Variants in FBXO4 observed in about 807,000 individuals in gnomAD.
The protein encoded by FBXO4 is F-box protein 4.
FBXO4 carries 36 observed loss-of-function variants against 43.7 expected under a neutral mutation model. The ratio of observed to expected loss-of-function variants is 0.82; its 90% CI spans 0.63 to 1.09. The LOEUF is 1.09. Ranked by LOEUF, FBXO4 falls within the 50% of genes least tolerant of loss-of-function variation. The pLI is 0.00. For missense variants in FBXO4, 435 were observed against 474.1 expected, an observed-to-expected ratio of 0.92 and a Z score of 0.77; for synonymous variants, 180 against 165.6, an observed-to-expected ratio of 1.09 and a Z score of -0.67.
the FBXO4 span, among the ~76,000 whole-genome samples, chr5:42,007,623 A>C: frequency 6.6e-6 from 1 of 152,126 alleles, no homozygotes; most frequent in African/African-American, 2.4e-5. Flanking sequence ...AGGTTGGACA[A>C]TTCCAATAGT....
chr5:42,038,584 C>T, the FBXO4 span, among the ~76,000 whole-genome samples: 2 of 152,064 alleles, frequency 1.3e-5, no homozygotes, highest in Admixed American at 6.6e-5. Context: ...GTATCTATCA[C>T]CTGAAGCATT....
At chr5:42,032,420 C>A in the FBXO4 span, among the ~76,000 whole-genome samples, 1 of 152,128 alleles carries the variant, frequency 6.6e-6, no homozygotes, top group Non-Finnish European at 1.5e-5. Context: ...TATTGCACTG[C>A]AGCTGAGCTG....
the FBXO4 span, among the ~76,000 whole-genome samples, chr5:41,990,400 T>G: frequency 6.6e-6 from 1 of 152,238 alleles, no homozygotes; most frequent in Non-Finnish European, 1.5e-5. Flanking sequence ...CTATTGTGTA[T>G]TCATGTGGAT....
At chr5:41,993,035 T>A in the FBXO4 span, among the ~76,000 whole-genome samples, 2 of 152,198 alleles carry the variant, frequency 1.3e-5, no homozygotes, top group East Asian at 3.8e-4. Flanking sequence ...TGCTTTTAAA[T>A]GTAAAAACAT....
the FBXO4 span, among the ~76,000 whole-genome samples, chr5:42,036,093 T>C: frequency 6.6e-6 from 1 of 152,130 alleles, no homozygotes; most frequent in Non-Finnish European, 1.5e-5. Context: ...TCTCATATAC[T>C]CCTAGTGTTT....
At chr5:42,030,528 A>G in the FBXO4 span, among the ~76,000 whole-genome samples, 1 of 152,054 alleles carries the variant, frequency 6.6e-6, no homozygotes, top group Admixed American at 6.6e-5. Flanking sequence ...AGGCAATACC[A>G]TTCAGGACAT....
the FBXO4 span, among the ~76,000 whole-genome samples, chr5:41,992,368 A>G: frequency 1.3e-5 from 2 of 152,214 alleles, no homozygotes; most frequent in African/African-American, 4.8e-5. Flanking sequence ...TGCTAAAATC[A>G]AGGGTCTGGT....
chr5:41,971,206 G>C, the FBXO4 span, among the ~76,000 whole-genome samples: 1 of 64,328 alleles, frequency 1.6e-5, no homozygotes, highest in Non-Finnish European at 2.8e-5. Context: ...CTAGAGAGAG[G>C]TGTGTGTGTG....
At chr5:42,012,169 G>A in the FBXO4 span, among the ~76,000 whole-genome samples, 4 of 152,138 alleles carry the variant, frequency 2.6e-5, no homozygotes, top group Non-Finnish European at 5.9e-5. Flanking sequence ...TCAGTAATTA[G>A]ACATGAGCGT....
At chr5:41,968,188 C>A in the FBXO4 span, 1 of 254,274 alleles carries the variant, frequency 3.9e-6, no homozygotes, top group South Asian at 5.1e-5. Flanking sequence ...GCCAGCTGTT[C>A]AGTTGGTGCA....
chr5:42,012,178 G>A, the FBXO4 span, among the ~76,000 whole-genome samples: 17 of 152,152 alleles, frequency 1.1e-4, no homozygotes, highest in East Asian at 3.8e-4. Flanking sequence ...AGACATGAGC[G>A]TCCTCAAGGA....
the FBXO4 span, among the ~76,000 whole-genome samples, chr5:41,990,892 G>A: frequency 3.9e-5 from 6 of 152,020 alleles, no homozygotes; most frequent in African/African-American, 1.4e-4. Context: ...TGCATTTTCT[G>A]CCCCCACCAC....
chr5:42,034,073 G>T, the FBXO4 span, among the ~76,000 whole-genome samples: 1 of 151,968 alleles, frequency 6.6e-6, no homozygotes. Context: ...GTATAAGATG[G>T]TATCTCATTG....
intron 5 of FBXO4, among the ~76,000 whole-genome samples, chr5:41,936,633 G>T (rs976733007): frequency 1.3e-5 from 2 of 152,044 alleles, no homozygotes; most frequent in Non-Finnish European, 2.9e-5. Flanking sequence ...AAGCTGTTTT[G>T]AAAAAGTAAA....
the FBXO4 span, among the ~76,000 whole-genome samples, chr5:41,984,036 A>T: frequency 6.6e-6 from 1 of 152,068 alleles, no homozygotes; most frequent in Non-Finnish European, 1.5e-5. Flanking sequence ...GCCTATCAGG[A>T]CAGAGATAGT....
At chr5:42,026,924 T>C in the FBXO4 span, among the ~76,000 whole-genome samples, 1 of 151,940 alleles carries the variant, frequency 6.6e-6, no homozygotes, top group African/African-American at 2.4e-5. Context: ...AAAATCTTTC[T>C]AATGTATTTT....
chr5:41,977,633 G>A, the FBXO4 span, among the ~76,000 whole-genome samples: 5 of 152,176 alleles, frequency 3.3e-5, no homozygotes, highest in East Asian at 9.7e-4. Flanking sequence ...TCCTTAGCCT[G>A]GCCTTCACTG....
At chr5:41,966,812 G>T in the FBXO4 span, among the ~76,000 whole-genome samples, 5 of 152,142 alleles carry the variant, frequency 3.3e-5, no homozygotes, top group African/African-American at 4.8e-5. Flanking sequence ...CACTAGAGAA[G>T]TGCAATCCTA....
chr5:41,939,233 C>G, intron 5 of FBXO4: 1 of 425,126 alleles, frequency 2.4e-6, no homozygotes. Flanking sequence ...GTAGTGACAT[C>G]TACAGAATTT....
Sources: allele counts gnomAD v4.1 joint callset (sites outside exome capture counted in the v4.1 genomes callset), GRCh38; gene constraint gnomAD v4.1.1; transcripts MANE v1.5; gene names NCBI Gene and HGNC (gene_info 2026-07-23, HGNC 2026-07-21).